The following MGAT5B variants were observed in gnomAD, a reference collection of about 807,000 sequenced individuals.
The protein encoded by MGAT5B is alpha-1,6-mannosylglycoprotein 6-beta-N-acetylglucosaminyltransferase B.
Under a neutral mutation model 95.1 loss-of-function variants are expected in MGAT5B, and 54 were observed. The observed-to-expected ratio is 0.57, with a 90% CI of 0.46 to 0.71. The LOEUF is 0.71. MGAT5B is among the 30% of genes least tolerant of loss of function. The pLI is 0.00. For synonymous variants in MGAT5B, 464 were observed against 451.0 expected (o/e 1.03, Z -0.36); for missense variants, 935 against 1,088.6 (o/e 0.86, Z 1.99).
At chr17:76,922,473 A>C (rs1259583979) in intron 8 of MGAT5B, among the ~76,000 whole-genome samples, 2 of 152,118 alleles carry the variant, frequency 1.3e-5, no homozygotes, top group Admixed American at 1.3e-4. Context: ...TTACTGGAGG[A>C]GTTTTGGGAG....
rs1406102684 is a variant in MGAT5B at position 76,938,158 on chromosome 17, C to T, written c.1584+15C>T. The T allele has an allele frequency of 1.2e-6, 2 of 1,612,494 alleles. No homozygotes were observed. The highest frequency in any genetic ancestry group is 1.7e-5 in the Admixed American group (1 of 59,976). ...GCAAGGCCAAAGTGAGCTCCCATCCCCCGCACCATTCTCACACTTGCCGGC... is the reference window on the plus strand; with the variant it reads ...GCAAGGCCAAAGTGAGCTCCCATCCTCCGCACCATTCTCACACTTGCCGGC... On this transcript the variant is annotated intron_variant, in intron 13 of 17. Coordinates refer to ENST00000569840, the MANE Select transcript of MGAT5B (RefSeq NM_001199172.2). The surrounding 1 kb of genome is among the most constrained non-coding windows in gnomAD (Gnocchi z 4.3).
intron 8 of MGAT5B, among the ~76,000 whole-genome samples, chr17:76,913,142 A>C (rs769111754): frequency 3.9e-5 from 6 of 152,216 alleles, no homozygotes; most frequent in Non-Finnish European, 8.8e-5. Flanking sequence ...GCTGTCAAGC[A>C]TGCAGCCAGG....
Position 76,912,631 on chromosome 17 carries a change from T to C in MGAT5B, c.1025+6444T>C, listed in dbSNP as rs1471269430. ...CCGGTCCCGCTCTGCTCCTCGGGTC[T>C]CGGTGTTTCAATTAACTGGCTCACT... is the stretch of plus-strand genomic sequence containing the variant. On this transcript the variant is annotated intron_variant, in intron 8 of 17. Transcript: ENST00000569840. The surrounding 1 kb of genome is among the most constrained non-coding windows in gnomAD (Gnocchi z 5.0). Among the ~76,000 whole-genome samples the C allele has an allele frequency of 3.9e-5, 6 of 152,088 alleles. No homozygotes were observed. The highest frequency in any genetic ancestry group is 7.4e-5 in the Non-Finnish European group (5 of 68,006).
chr17:76,906,614 C>G lies in MGAT5B; in HGVS notation c.1025+427C>G, dbSNP rs78639977. Reference sequence around the variant, plus strand: ...CAGTAAGACATGGAGGATGAAGGGGCGTGGTTGGGTGGGTGGTGCCTGTCC... The same window carrying G: ...CAGTAAGACATGGAGGATGAAGGGGGGTGGTTGGGTGGGTGGTGCCTGTCC... On this transcript the variant is annotated intron_variant, in intron 8 of 17. Transcript: ENST00000569840. The surrounding 1 kb of genome is among the most constrained non-coding windows in gnomAD (Gnocchi z 4.6). Among the ~76,000 whole-genome samples the G allele has an allele frequency of 9.4e-3, 1,424 of 152,128 alleles. 17 individuals are homozygous for G. Among genetic ancestry groups the G allele is most frequent in the East Asian group, 0.041 (211 of 5,152 alleles).
chr17:76,902,410 C>T, intron 3 of MGAT5B, 145 bp from the exon 4 acceptor site: 2 of 609,008 alleles, frequency 3.3e-6, no homozygotes, highest in Admixed American at 2.8e-5. Flanking sequence ...TCACTCCCCA[C>T]CATTTGGTCT....
intron 8 of MGAT5B, among the ~76,000 whole-genome samples, chr17:76,922,792 C>A (rs751216240): frequency 6.6e-6 from 1 of 152,198 alleles, no homozygotes; most frequent in Non-Finnish European, 1.5e-5. Context: ...AGCCCTTGGC[C>A]ATTTTTAAGT....
chr17:76,932,626 C>G lies in MGAT5B; in HGVS notation c.1292-19C>G, dbSNP rs754600997. The G allele has an allele frequency of 4.3e-6, 7 of 1,611,610 alleles. No homozygotes were observed. The highest frequency in any genetic ancestry group is 5.9e-6 in the Non-Finnish European group (7 of 1,178,426). On this transcript the variant is annotated intron_variant, in intron 10 of 17. Transcript: ENST00000569840. ...TGGTTGTTTGGTGACCCCATTCCTT[C>G]TGCGTGCTCGGGCTGCAGCTCATAC...
At position 76,871,248 on chromosome 17, in the gene MGAT5B, G is replaced by A. The variant is rs533195388; in HGVS notation, c.69-1603G>A. Among the ~76,000 whole-genome samples the A allele has an allele frequency of 6.6e-5, 10 of 152,314 alleles. No individual in the cohort carries two copies. The East Asian group carries it at 1.2e-3, about 18-fold the overall frequency. ...ACAGCACCTCTCCTGTGCCATGGCCGTGGCTGTTGTCTCCAGAGCCACCTG... is the reference window on the plus strand; with the variant it reads ...ACAGCACCTCTCCTGTGCCATGGCCATGGCTGTTGTCTCCAGAGCCACCTG... On this transcript the variant is annotated intron_variant, in intron 1 of 17. Transcript: ENST00000569840.
chr17:76,882,995 C>A (rs1967492872), intron 3 of MGAT5B, among the ~76,000 whole-genome samples: 1 of 150,654 alleles, frequency 6.6e-6, no homozygotes, highest in African/African-American at 2.4e-5. Flanking sequence ...TACATCTTTG[C>A]CTTTTAAATT....
In MGAT5B at chr17:76,902,679, CA is replaced by C. The variant is rs1968359439; in HGVS notation, c.445+10del. On this transcript the variant is annotated intron_variant, in intron 4 of 17. Transcript: ENST00000569840. ...GCTCCTGCACAGCAAGGGTGGGTGC[CA>C]GGGGGCGGGGGTACCCTCTACCCCT... 3 of 1,556,130 alleles carry C rather than the reference CA, an allele frequency of 1.9e-6. No individual in the cohort carries two copies. The highest frequency in any genetic ancestry group is 2.3e-5 in the South Asian group (2 of 85,370).
intron 11 of MGAT5B, 138 bp from the exon 12 acceptor site, chr17:76,933,154 G>C: frequency 9.8e-7 from 1 of 1,022,102 alleles, no homozygotes; most frequent in Non-Finnish European, 1.5e-6. Flanking sequence ...AGAAGCAGGA[G>C]AGGCTTAGAG....
chr17:76,932,930 T>C (rs1969541599), intron 11 of MGAT5B, among the ~76,000 whole-genome samples, 155 bp downstream of exon 11: 1 of 152,214 alleles, frequency 6.6e-6, no homozygotes, highest in African/African-American at 2.4e-5. Context: ...GGACAAAAAG[T>C]TCCTAACTGC....
chr17:76,899,497 C>T (rs1968227114), intron 3 of MGAT5B, among the ~76,000 whole-genome samples: 3 of 152,176 alleles, frequency 2.0e-5, no homozygotes, highest in East Asian at 1.9e-4. Context: ...ATTAGCCGGA[C>T]GTGGTGGCTC....
chr17:76,931,157 C>T (rs12709282), intron 10 of MGAT5B, among the ~76,000 whole-genome samples: 14,991 of 152,170 alleles, frequency 0.099, 829 homozygotes, highest in Middle Eastern at 0.15. Flanking sequence ...AGTGTAGTGG[C>T]GTGATCTCAG....
intron 3 of MGAT5B, among the ~76,000 whole-genome samples, chr17:76,895,561 C>T (rs563026359): frequency 1.3e-5 from 2 of 152,162 alleles, no homozygotes; most frequent in Non-Finnish European, 2.9e-5. Flanking sequence ...AGGATCTGTT[C>T]CAGGCCCTGC....
At chr17:76,880,752 T>C (rs668398) in intron 2 of MGAT5B, among the ~76,000 whole-genome samples, 71,713 of 152,088 alleles carry the variant, frequency 0.47, 21,476 homozygotes, top group African/African-American at 0.82. Flanking sequence ...GTGTTCTACA[T>C]GGTCTCAGGG....
intron 12 of MGAT5B, 101 bp from the exon 13 acceptor site, chr17:76,937,886 TG>T (rs533591496): frequency 4.2e-6 from 6 of 1,430,032 alleles, no homozygotes; most frequent in East Asian, 2.3e-5. Flanking sequence ...AACCTGAGAC[TG>T]GGTCCACATC....
intron 2 of MGAT5B, among the ~76,000 whole-genome samples, chr17:76,879,431 G>A (rs975896574): frequency 6.6e-6 from 1 of 152,228 alleles, no homozygotes; most frequent in Non-Finnish European, 1.5e-5. Context: ...TGTCCCAGCT[G>A]TGAGACACCT....
In MGAT5B at chr17:76,904,690, G is replaced by A. The variant is rs188019621; in HGVS notation, c.690+268G>A. On this transcript the variant is annotated intron_variant, in intron 6 of 17. Transcript: ENST00000569840. ...TTAGTGGACTAGAATAGTAGTAATA[G>A]CAGCTGTCACTTATTGAGGGTTTTC... Among the ~76,000 whole-genome samples, 8 of 152,366 alleles carry A rather than the reference G, an allele frequency of 5.3e-5. No individual in the cohort carries two copies. In the East Asian group the frequency reaches 1.3e-3, roughly 26 times the overall value.
Sources: gnomAD v4.1 joint callset for allele counts (sites outside exome capture counted in the v4.1 genomes callset) on GRCh38, gnomAD v4.1.1 for gene constraint, Gnocchi (gnomAD v3.1) non-coding constraint, MANE v1.5 for transcripts, NCBI Gene and HGNC (gene_info 2026-07-23, HGNC 2026-07-21) for gene names.